Variants in CCNF observed in about 807,000 individuals in gnomAD.
CCNF encodes the protein cyclin F.
Under a neutral mutation model 85.4 loss-of-function variants are expected in CCNF, and 30 were observed. The observed-to-expected ratio is 0.35, with a 90% CI of 0.26 to 0.48. CCNF has a LOEUF of 0.48. Ranked by LOEUF, CCNF falls within the 20% of genes least tolerant of loss-of-function variation. The probability of loss-of-function intolerance (pLI) is 0.99; values close to 1 mark genes in which losing one functional copy is unlikely to be tolerated. For synonymous variants in CCNF, 439 were observed against 425.1 expected (o/e 1.03, Z -0.40); for missense variants, 919 against 1,010.4 (o/e 0.91, Z 1.23).
chr16:2,439,288 C>T lies in CCNF; in HGVS notation c.595-65C>T. 6 of 1,382,328 alleles carry T rather than the reference C, an allele frequency of 4.3e-6. No homozygotes were observed. The Admixed American group carries it at 1.2e-4, about 29-fold the overall frequency. The allele number at this position is 1,382,328 out of a possible 1,614,324, so 85.6% of individuals were successfully genotyped here. ...ACTCCAACCTGGGCGACGAGTGAAA[C>T]TGTCTCAAAAAATAAAAATGAAAAA... On this transcript the variant is annotated intron_variant, in intron 6 of 16. Transcript: ENST00000397066.
intron 10 of CCNF, among the ~76,000 whole-genome samples, chr16:2,446,709 C>T (rs558250394): frequency 6.6e-6 from 1 of 152,294 alleles, no homozygotes; most frequent in East Asian, 1.9e-4. Context: ...GCACAGGTAA[C>T]CCAGAGGCAG....
chr16:2,433,795 A>C (rs1439740157), intron 3 of CCNF, among the ~76,000 whole-genome samples: 1 of 152,050 alleles, frequency 6.6e-6, no homozygotes, highest in Non-Finnish European at 1.5e-5. Flanking sequence ...CATGTTGGCC[A>C]GGATGGTCTC....
intron 13 of CCNF, among the ~76,000 whole-genome samples, chr16:2,450,771 A>G (rs2065390446): frequency 6.6e-6 from 1 of 152,104 alleles, no homozygotes; most frequent in Non-Finnish European, 1.5e-5. Flanking sequence ...TGGTTTCCAC[A>G]TTGTCTGCTG....
intron 5 of CCNF, 62 bp from the exon 6 acceptor site, chr16:2,438,008 A>C: frequency 9.0e-7 from 1 of 1,113,232 alleles, no homozygotes. Flanking sequence ...CAGACAAGGG[A>C]GTGGTGGCCC....
intron 5 of CCNF, chr16:2,437,590 G>A (rs1164381922): frequency 7.1e-6 from 3 of 421,006 alleles, no homozygotes; most frequent in South Asian, 3.9e-5. Context: ...GGCAGTGGGA[G>A]CTCAAGACAC....
At chr16:2,434,278 C>A (rs1251991234) in intron 3 of CCNF, among the ~76,000 whole-genome samples, 2 of 151,670 alleles carry the variant, frequency 1.3e-5, no homozygotes, top group African/African-American at 4.8e-5. Context: ...TGCACTCCAG[C>A]CTGGGTGATG....
Position 2,453,931 on chromosome 16 carries a change from C to T in CCNF, c.1715+394C>T, listed in dbSNP as rs1159486809. Among the ~76,000 whole-genome samples, 1 of 152,202 alleles carries T rather than the reference C, an allele frequency of 6.6e-6. No homozygotes were observed. Among genetic ancestry groups the T allele is most frequent in the Non-Finnish European group, 1.5e-5 (1 of 68,022 alleles). Reference sequence around the variant, plus strand: ...ACCTGAGTCACATCCCCAGCACTTCCCTCGCCACCCGTGTGGACCTGTTTA... The same window carrying T: ...ACCTGAGTCACATCCCCAGCACTTCTCTCGCCACCCGTGTGGACCTGTTTA... On this transcript the variant is annotated intron_variant, in intron 15 of 16. Coordinates refer to ENST00000397066, the MANE Select transcript of CCNF (RefSeq NM_001761.3). This position sits in a 1 kb window ranked among gnomAD's most constrained non-coding sequence, Gnocchi z 5.6.
Position 2,451,252 on chromosome 16 carries a change from G to A in CCNF, c.1487+1337G>A, listed in dbSNP as rs368201621. Among the ~76,000 whole-genome samples, 1 of 152,206 alleles carries A rather than the reference G, an allele frequency of 6.6e-6. No homozygotes were observed. The highest frequency in any genetic ancestry group is 1.5e-5 in the Non-Finnish European group (1 of 68,036). ...CGGGGCAGGTGGCGCGGGCGGGGGC[G>A]ACTCCCTTCAGGGAGCGTAGCCGGG... On this transcript the variant is annotated intron_variant, in intron 13 of 16. Transcript: ENST00000397066. The surrounding 1 kb of genome is among the most constrained non-coding windows in gnomAD (Gnocchi z 4.3).
chr16:2,444,024 A>G (rs956474008), intron 9 of CCNF, among the ~76,000 whole-genome samples: 5 of 151,252 alleles, frequency 3.3e-5, no homozygotes, highest in Non-Finnish European at 5.9e-5. Flanking sequence ...GGTTCGAGCA[A>G]TTCTCCTGCC....
chr16:2,450,024 T>C, intron 13 of CCNF, 109 bp downstream of exon 13: 2 of 771,248 alleles, frequency 2.6e-6, no homozygotes, highest in South Asian at 1.4e-5. Context: ...CTGGCCAACA[T>C]GGTGAAACCC....
In CCNF at chr16:2,431,221, C is replaced by T. The variant is rs529342910; in HGVS notation, c.108C>T (p.Pro36=). ...RPRNLTILSL[P]EDVLFHILKW... Reference sequence around the variant, plus strand: ...GAAACCTGACCATCTTGAGTCTCCCCGAAGATGTGCTCTTTCACATCCTGA... The same window carrying T: ...GAAACCTGACCATCTTGAGTCTCCCTGAAGATGTGCTCTTTCACATCCTGA... The change falls in exon 2 of 17, where the codon CCC becomes CCT. Residue 36 remains proline (P), a synonymous_variant. Transcript: ENST00000397066. The T allele has an allele frequency of 9.3e-6, 15 of 1,614,026 alleles. No homozygotes were observed. Among genetic ancestry groups the T allele is most frequent in the East Asian group, 8.9e-5 (4 of 44,884 alleles).
At position 2,445,556 on chromosome 16, in the gene CCNF, G is replaced by A. The variant is rs772205153; in HGVS notation, c.1028G>A (p.Arg343Gln). 17 of 1,613,898 alleles carry A rather than the reference G, an allele frequency of 1.1e-5. No homozygotes were observed. The highest frequency in any genetic ancestry group is 5.0e-5 in the Admixed American group (3 of 60,008). The change falls in exon 10 of 17, where the codon CGG becomes CAG. Residue 343 changes from arginine to glutamine, a missense_variant. By Grantham distance (43) the Arg-to-Gln change is conservative. Around this residue, in one of 3 missense-constraint regions of CCNF, gnomAD observed 410 missense variants for 478.6 expected, o/e 0.86. Transcript: ENST00000397066. ...GTGGAGTGTGTGGACCGGTACCTGC[G>A]GAGGAGGCTGGTGCCGCGGTACAGG... ...LTVECVDRYL[R>Q]RRLVPRYRLQ... is the part of the protein sequence containing the mutation.
chr16:2,432,996 C>A lies in CCNF; in HGVS notation c.207C>A (p.His69Gln), dbSNP rs140248806. 1 of 1,610,538 alleles carries A rather than the reference C, an allele frequency of 6.2e-7. No individual in the cohort carries two copies. Among genetic ancestry groups the A allele is most frequent in the Non-Finnish European group, 8.5e-7 (1 of 1,177,176 alleles). The change falls in exon 3 of 17, where the codon CAC (histidine) becomes CAA (glutamine). Residue 69 changes from histidine (H) to glutamine (Q), a missense_variant. Physicochemically the swap from His to Gln is conservative, Grantham distance 24. Around this residue, in one of 3 missense-constraint regions of CCNF, gnomAD observed 410 missense variants for 478.6 expected, o/e 0.86. Coordinates refer to ENST00000397066, the MANE Select transcript of CCNF (RefSeq NM_001761.3). ...HSQLKDLVDN[H>Q]ASVWACASFQ... ...AGCTGAAGGACCTGGTGGACAACCA[C>A]GCCAGTGTGTGGGCATGTGCCAGCT...
At chr16:2,435,656 CACACACACACATATATATATATATAT>C (rs2065286006) in intron 3 of CCNF, 124 bp from the exon 4 acceptor site, 2 of 37,698 alleles carry the variant, frequency 5.3e-5, no homozygotes, top group Admixed American at 6.0e-4. Context: ...TATATATATG[CACACACACACATATATATATATATAT>C]ATATATATAT....
At chr16:2,435,615 A>G (rs538444194) in intron 3 of CCNF, among the ~76,000 whole-genome samples, 191 bp from the exon 4 acceptor site, 2 of 134,372 alleles carry the variant, frequency 1.5e-5, no homozygotes, top group African/African-American at 2.9e-5. Flanking sequence ...ATATATATGC[A>G]CACACACACA....
At chr16:2,455,057 CAAAAAAAAAAAAA>C (rs113432361) in intron 15 of CCNF, among the ~76,000 whole-genome samples, 4 of 47,248 alleles carry the variant, frequency 8.5e-5, no homozygotes, top group Admixed American at 3.8e-4. Flanking sequence ...AAGAACACCT[CAAAAAAAAAAAAA>C]AAAAAAAAAA....
rs774802568 is a variant in CCNF, at chr16:2,453,489, G to A, written c.1667G>A (p.Gly556Glu). 2 of 1,613,940 alleles carry A rather than the reference G, an allele frequency of 1.2e-6. No individual in the cohort carries two copies. The highest frequency in any genetic ancestry group is 1.7e-6 in the Non-Finnish European group (2 of 1,180,012). ...SPDPPTFLSTGEIHAFLSSPS... is the reference protein window; with the variant it reads ...SPDPPTFLSTEEIHAFLSSPS... ...GACCCCCCGACTTTCCTCAGCACAG[G>A]GGAGATCCACGCCTTCCTCAGCTCT... The change falls in exon 15 of 17, where the codon GGG becomes GAG. Residue 556 changes from glycine to glutamate, a missense_variant. Coordinates refer to ENST00000397066, the MANE Select transcript of CCNF (RefSeq NM_001761.3). The surrounding 1 kb of genome is among the most constrained non-coding windows in gnomAD (Gnocchi z 5.6).
rs370117441 is a variant in CCNF at position 2,453,509 on chromosome 16, A to C, written c.1687A>C (p.Ser563Arg). ...CACAGGGGAGATCCACGCCTTCCTC[A>C]GCTCTCCCTCGGGGCGGAGAACCAA... The part of the protein sequence containing the change: ...LSTGEIHAFL[S>R]SPSGRRTKRK... The change falls in exon 15 of 17, where the codon AGC becomes CGC. Residue 563 changes from serine to arginine, a missense_variant. This residue lies in a region of CCNF where 505 missense variants were observed against 514.8 expected (regional missense o/e 0.98). Coordinates refer to ENST00000397066, the MANE Select transcript of CCNF (RefSeq NM_001761.3). This position sits in a 1 kb window ranked among gnomAD's most constrained non-coding sequence, Gnocchi z 5.6. 6 of 1,613,812 alleles carry C rather than the reference A, an allele frequency of 3.7e-6. No individual in the cohort carries two copies. Among genetic ancestry groups the C allele is most frequent in the Non-Finnish European group, 5.1e-6 (6 of 1,179,980 alleles).
At chr16:2,450,808 C>A (rs919035892) in intron 13 of CCNF, among the ~76,000 whole-genome samples, 6 of 152,218 alleles carry the variant, frequency 3.9e-5, no homozygotes, top group Admixed American at 3.9e-4. Flanking sequence ...GGTGGCTGAG[C>A]TCATAGTGCA....
Sources: allele counts gnomAD v4.1 joint callset (sites outside exome capture counted in the v4.1 genomes callset), GRCh38; gene constraint gnomAD v4.1.1; regional missense constraint gnomAD v4.1.1; non-coding constraint Gnocchi (gnomAD v3.1); transcripts MANE v1.5; gene names NCBI Gene and HGNC (gene_info 2026-07-23, HGNC 2026-07-21).